The following CEP44 variants were observed in gnomAD, a reference collection of about 807,000 sequenced individuals.
CEP44 encodes centrosomal protein of 44 kDa.
CEP44 carries 45 observed loss-of-function variants against 46.7 expected under a neutral mutation model. The observed-to-expected ratio is 0.96, with a 90% CI of 0.76 to 1.24. The LOEUF (loss-of-function observed/expected upper bound fraction) is 1.24. Ranked by LOEUF, CEP44 falls within the 50% of genes most tolerant of loss-of-function variation. The pLI is 0.00. For missense variants in CEP44, 475 were observed against 459.7 expected (o/e 1.03, Z -0.30); for synonymous variants, 142 against 146.0 (o/e 0.97, Z 0.20).
At chr4:174,303,644 A>G (rs1338435352) in intron 4 of CEP44, 59 bp from the exon 5 acceptor site, 23 of 1,171,818 alleles carry the variant, frequency 2.0e-5, no homozygotes, top group Non-Finnish European at 2.5e-5. Context: ...GGGCATTATC[A>G]TTTGGAATTT....
Position 174,320,311 on chromosome 4 carries a change from T to G in CEP44, c.*2928T>G. The G allele has an allele frequency of 1.0e-6, 1 of 977,636 alleles. No individual in the cohort carries two copies. The highest frequency in any genetic ancestry group is 1.2e-6 in the Non-Finnish European group (1 of 823,094). The allele number at this position is 977,636 out of a possible 1,614,324, so 60.6% of individuals were successfully genotyped here. A position where few individuals can be genotyped will look rare whatever the true frequency, so the allele number is the denominator to read the frequency against. ...GTGATGTTGTAATATATTTTAAAAATAAAACTTGAAAACGTTGGGACTTTG... is the reference window on the plus strand; with the variant it reads ...GTGATGTTGTAATATATTTTAAAAAGAAAACTTGAAAACGTTGGGACTTTG... On this transcript the variant is annotated 3_prime_UTR_variant, in exon 12 of 12. Transcript: ENST00000503780.
chr4:174,316,714 T>C (rs1741765012), intron 11 of CEP44, 147 bp downstream of exon 11: 3 of 609,142 alleles, frequency 4.9e-6, no homozygotes, highest in South Asian at 2.4e-5. Context: ...CACTGGATAA[T>C]AAATCCACCT....
At chr4:174,328,330 A>G (rs2126703741) in intron 8 of CEP44, among the ~76,000 whole-genome samples, 1 of 152,364 alleles carries the variant, frequency 6.6e-6, no homozygotes, top group East Asian at 1.9e-4. Context: ...GATGATGGTT[A>G]CCTAGAATGT....
At position 174,301,667 on chromosome 4, in the gene CEP44, T is replaced by G. The variant is rs115097741; in HGVS notation, c.90-372T>G. ...TTGTGGTAGAGAGCAAAGGAGGTAATAGAACAAGTGTTTGCAAAACCATAA... is the reference window on the plus strand; with the variant it reads ...TTGTGGTAGAGAGCAAAGGAGGTAAGAGAACAAGTGTTTGCAAAACCATAA... On this transcript the variant is annotated intron_variant, in intron 3 of 11. Coordinates refer to ENST00000503780, the MANE Select transcript of CEP44 (RefSeq NM_001040157.3). This position sits in a 1 kb window ranked among gnomAD's most constrained non-coding sequence, Gnocchi z 4.3. Among the ~76,000 whole-genome samples the G allele has an allele frequency of 6.6e-6, 1 of 152,292 alleles. No homozygotes were observed. Among genetic ancestry groups the G allele is most frequent in the African/African-American group, 2.4e-5 (1 of 41,560 alleles).
intron 1 of CEP44, among the ~76,000 whole-genome samples, chr4:174,295,591 C>G (rs2126545223): frequency 6.6e-6 from 1 of 152,004 alleles, no homozygotes; most frequent in Non-Finnish European, 1.5e-5. Flanking sequence ...GGGGTGGCGG[C>G]CGGGCAGAGG....
intron 1 of CEP44, among the ~76,000 whole-genome samples, chr4:174,289,896 C>T (rs1282253343): frequency 1.1e-4 from 17 of 149,548 alleles, no homozygotes; most frequent in African/African-American, 3.0e-4. Flanking sequence ...AGTGCAGTGG[C>T]GTGATGATCT....
intron 1 of CEP44, among the ~76,000 whole-genome samples, chr4:174,284,829 G>A (rs772325541): frequency 1.1e-4 from 16 of 151,250 alleles, no homozygotes; most frequent in Admixed American, 1.1e-3. Context: ...TTTTGTTTTT[G>A]ATACGTGTTT....
intron 1 of CEP44, among the ~76,000 whole-genome samples, chr4:174,293,003 A>G (rs1406718409): frequency 1.3e-5 from 2 of 152,208 alleles, no homozygotes; most frequent in Non-Finnish European, 2.9e-5. Flanking sequence ...CTTCTGTACT[A>G]AACAGAGTGA....
At chr4:174,330,560 TATC>T (rs1187633978) in intron 8 of CEP44, among the ~76,000 whole-genome samples, 1 of 152,164 alleles carries the variant, frequency 6.6e-6, no homozygotes, top group African/African-American at 2.4e-5. Context: ...ATATTTTCCA[TATC>T]ATTAAATATA....
At chr4:174,307,748 C>T (rs1389223197) in intron 6 of CEP44, among the ~76,000 whole-genome samples, 2 of 134,620 alleles carry the variant, frequency 1.5e-5, no homozygotes, top group East Asian at 4.4e-4. Context: ...CCATAAAGAA[C>T]TTAAACAAAT....
chr4:174,317,809 G>A lies in CEP44; in HGVS notation c.*426G>A, dbSNP rs1741907252. 1.0e-6 allele frequency: 1 copy of A among 986,104 alleles called. No homozygotes were observed. The highest frequency in any genetic ancestry group is 1.2e-6 in the Non-Finnish European group (1 of 830,146). The allele number at this position is 986,104 out of a possible 1,614,324, so 61.1% of individuals were successfully genotyped here. On this transcript the variant is annotated 3_prime_UTR_variant, in exon 12 of 12. Coordinates refer to ENST00000503780, the MANE Select transcript of CEP44 (RefSeq NM_001040157.3). ...TCTCATATATACCATCTTGGCATCT[G>A]TACTGATGAATAAGTTATAATGAAC...
chr4:174,300,967 C>A (rs1739639876), intron 3 of CEP44, among the ~76,000 whole-genome samples: 1 of 151,518 alleles, frequency 6.6e-6, no homozygotes. Flanking sequence ...TTTTCATTTC[C>A]TGTTTTTGGA....
Position 174,319,757 on chromosome 4 carries a change from A to C in CEP44, c.*2374A>C. ...TAAAAATCAACTCAATATATCATAC[A>C]TTTACACTTACAAAGAGTCTTTATC... On this transcript the variant is annotated 3_prime_UTR_variant, in exon 12 of 12. Coordinates refer to ENST00000503780, the MANE Select transcript of CEP44 (RefSeq NM_001040157.3). 5.5e-6 allele frequency: 5 copies of C among 915,164 alleles called. No homozygotes were observed. Among genetic ancestry groups the C allele is most frequent in the Non-Finnish European group, 6.5e-6 (5 of 766,488 alleles). The allele number at this position is 915,164 out of a possible 1,614,324, so 56.7% of individuals were successfully genotyped here.
intron 4 of CEP44, among the ~76,000 whole-genome samples, chr4:174,303,487 A>T (rs1201435751): frequency 2.0e-5 from 3 of 152,164 alleles, no homozygotes; most frequent in Admixed American, 6.5e-5. Context: ...GTTCTCCAGC[A>T]TATCCTTTGC....
intron 11 of CEP44, 161 bp downstream of exon 11, chr4:174,316,728 G>C (rs1741767861): frequency 1.8e-6 from 1 of 557,360 alleles, no homozygotes; most frequent in African/African-American, 2.0e-5. Context: ...TCCACCTACA[G>C]TTATGTGTTT....
rs150632476 is a variant in CEP44, at chr4:174,315,538, C to T, written c.962-628C>T. On this transcript the variant is annotated intron_variant, in intron 9 of 11. Transcript: ENST00000503780. ...CAGTTATAGTAATAGTTGTCACTTG[C>T]CACAGAACAGTAGTAAAAAAATTTG... Among the ~76,000 whole-genome samples the T allele has an allele frequency of 8.4e-3, 1,270 of 151,942 alleles. 7 individuals are homozygous for T. Among genetic ancestry groups the T allele is most frequent in the South Asian group, 0.015 (74 of 4,816 alleles).
chr4:174,285,222 A>G (rs1435493368), intron 1 of CEP44, among the ~76,000 whole-genome samples: 1 of 152,188 alleles, frequency 6.6e-6, no homozygotes, highest in Non-Finnish European at 1.5e-5. Context: ...TTTTAAAAGT[A>G]TTTTTCATTA....
chr4:174,319,094 C>T lies in CEP44; in HGVS notation c.*1711C>T. 1.0e-6 allele frequency: 1 copy of T among 978,092 alleles called. No individual in the cohort carries two copies. The highest frequency in any genetic ancestry group is 1.2e-6 in the Non-Finnish European group (1 of 823,338). The allele number at this position is 978,092 out of a possible 1,614,324, so 60.6% of individuals were successfully genotyped here. A position where few individuals can be genotyped will look rare whatever the true frequency, so the allele number is the denominator to read the frequency against. On this transcript the variant is annotated 3_prime_UTR_variant, in exon 12 of 12. Coordinates refer to ENST00000503780, the MANE Select transcript of CEP44 (RefSeq NM_001040157.3). ...AAAGTGCTAGATTCCATGGGTGAGTCACCATGCTTGGCCACATTTTTAGTA... is the reference window on the plus strand; with the variant it reads ...AAAGTGCTAGATTCCATGGGTGAGTTACCATGCTTGGCCACATTTTTAGTA...
chr4:174,291,702 G>A (rs1738214718), intron 1 of CEP44, among the ~76,000 whole-genome samples: 1 of 151,270 alleles, frequency 6.6e-6, no homozygotes, highest in Non-Finnish European at 1.5e-5. Context: ...TTCTTGTTAG[G>A]GCATGTCTAA....
Sources: allele counts gnomAD v4.1 joint callset (sites outside exome capture counted in the v4.1 genomes callset), GRCh38; gene constraint gnomAD v4.1.1; non-coding constraint Gnocchi (gnomAD v3.1); transcripts MANE v1.5; gene names NCBI Gene and HGNC (gene_info 2026-07-23, HGNC 2026-07-21).